CLTCL1: variants seen among roughly 807,000 people sequenced by gnomAD.
The protein encoded by CLTCL1 is clathrin heavy chain 2.
Under a neutral mutation model 190.0 loss-of-function variants are expected in CLTCL1, and 159 were observed. That is an observed-to-expected ratio of 0.84 (90% CI 0.74 to 0.95). CLTCL1 has a LOEUF of 0.95. Ranked by LOEUF, CLTCL1 falls within the 40% of genes least tolerant of loss-of-function variation. CLTCL1 has a pLI of 0.00. For missense variants in CLTCL1, 1,878 were observed against 2,033.4 expected (o/e 0.92, Z 1.47); for synonymous variants, 752 against 769.6 (o/e 0.98, Z 0.38).
intron 19 of CLTCL1, among the ~76,000 whole-genome samples, chr22:19,212,995 A>G (rs1258915279): frequency 1.3e-5 from 2 of 152,238 alleles, no homozygotes; most frequent in African/African-American, 2.4e-5. Flanking sequence ...TATCAAAATT[A>G]TAACTTTTGT....
chr22:19,263,648 T>C (rs2087026116), intron 2 of CLTCL1, among the ~76,000 whole-genome samples: 1 of 152,180 alleles, frequency 6.6e-6, no homozygotes, highest in Non-Finnish European at 1.5e-5. Context: ...CTTGATCTCC[T>C]GACCTTGTGA....
At chr22:19,195,115 T>C (rs1315573724) in intron 26 of CLTCL1, among the ~76,000 whole-genome samples, 1 of 152,052 alleles carries the variant, frequency 6.6e-6, no homozygotes, top group Non-Finnish European at 1.5e-5. Flanking sequence ...CACCCTAATA[T>C]CAGAGGAGTT....
chr22:19,234,638 G>T lies in CLTCL1; in HGVS notation c.1038C>A (p.Asp346Glu). The T allele has an allele frequency of 2.0e-5, 32 of 1,613,980 alleles. No homozygotes were observed. The highest frequency in any genetic ancestry group is 2.7e-5 in the Non-Finnish European group (32 of 1,179,884). Residue 346 changes from aspartate (D) to glutamate (E), a missense_variant, in exon 7 of 33, where the codon GAC becomes GAA. Transcript: ENST00000427926. Reference sequence around the variant, plus strand: ...TACGAACGGCCAAACGCAGACCAAGGTCTGGATTCTGAAGCACGTTGGTTG... The same window carrying T: ...TACGAACGGCCAAACGCAGACCAAGTTCTGGATTCTGAAGCACGTTGGTTG... ...NYATNVLQNPDLGLRLAVRSN... is the reference protein window; with the variant it reads ...NYATNVLQNPELGLRLAVRSN...
At chr22:19,289,701 C>T (rs1175846856) in intron 1 of CLTCL1, among the ~76,000 whole-genome samples, 2 of 152,062 alleles carry the variant, frequency 1.3e-5, no homozygotes, top group African/African-American at 2.4e-5. Context: ...TATGACTGAA[C>T]GAGGCTCCCT....
intron 19 of CLTCL1, among the ~76,000 whole-genome samples, chr22:19,212,638 GAGAA>G (rs1408550443): frequency 6.9e-6 from 1 of 145,552 alleles, no homozygotes; most frequent in Non-Finnish European, 1.5e-5. Context: ...AAGAAAGAAA[GAGAA>G]AGAAAAAAGA....
At position 19,225,463 on chromosome 22, in the gene CLTCL1, C is replaced by G; in HGVS notation, c.2118G>C (p.Lys706Asn). 6.3e-7 allele frequency: 1 copy of G among 1,582,174 alleles called. No individual in the cohort carries two copies. Reference protein sequence around the residue: ...QALVELFESFKSYKGLFYFLG... With the variant: ...QALVELFESFNSYKGLFYFLG... ...GGCTGCATGGTTTACCTTTGTAACT[C>G]TTGAAGGATTCAAAGAGCTCCACCA... The change falls in exon 13 of 33, where the codon AAG becomes AAC. Residue 706 changes from lysine to asparagine, a missense_variant. Coordinates refer to ENST00000427926, the MANE Select transcript of CLTCL1 (RefSeq NM_007098.4).
chr22:19,238,140 C>T (rs1310989587), intron 5 of CLTCL1, among the ~76,000 whole-genome samples: 2 of 152,000 alleles, frequency 1.3e-5, no homozygotes, highest in East Asian at 1.9e-4. Flanking sequence ...GGTGCAGTGG[C>T]ATGCAGTGGT....
chr22:19,180,290 C>T (rs1354651598), intron 31 of CLTCL1, 52 bp from the exon 32 acceptor site: 1 of 1,603,164 alleles, frequency 6.2e-7, no homozygotes, highest in African/African-American at 1.3e-5. Context: ...CAGCCGGACG[C>T]TGGAGACCCG....
chr22:19,221,683 T>C, intron 16 of CLTCL1, 72 bp from the exon 17 acceptor site: 1 of 1,313,802 alleles, frequency 7.6e-7, no homozygotes, highest in Non-Finnish European at 1.0e-6. Flanking sequence ...TCCAGGGCTC[T>C]GACAGATGTT....
chr22:19,219,436 C>T (rs1368759428), intron 18 of CLTCL1, among the ~76,000 whole-genome samples: 5 of 151,594 alleles, frequency 3.3e-5, no homozygotes, highest in African/African-American at 7.3e-5. Context: ...CCACCCGCCT[C>T]GGCCTCCCAA....
Position 19,181,746 on chromosome 22 carries a change from T to C in CLTCL1, c.4828-940A>G, listed in dbSNP as rs193038051. On this transcript the variant is annotated intron_variant, in intron 30 of 32. Coordinates refer to ENST00000427926, the MANE Select transcript of CLTCL1 (RefSeq NM_007098.4). ...GCACCAGCTCAAGCTGACAATCAGC[T>C]CACACCCCCATGCCACTGACTGGGA... 7.2e-3 allele frequency: 1,097 copies of C among 152,398 alleles called. 17 individuals are homozygous for C. Among genetic ancestry groups the C allele is most frequent in the South Asian group, 0.05 (243 of 4,830 alleles). The allele number at this position is 152,398 out of a possible 1,614,324, so 9.4% of individuals were successfully genotyped here. A position where few individuals can be genotyped will look rare whatever the true frequency, so the allele number is the denominator to read the frequency against.
Position 19,233,409 on chromosome 22 carries a change from C to A in CLTCL1, c.1368+13G>T, listed in dbSNP as rs2085977941. ...GCTGTGCGGGGGGGCTACGAGCTCA[C>A]AAGTGTTTCTACCTTATCTTCTTTC... is the stretch of plus-strand genomic sequence containing the variant. On this transcript the variant is annotated intron_variant, in intron 8 of 32. Coordinates refer to ENST00000427926, the MANE Select transcript of CLTCL1 (RefSeq NM_007098.4). 6.2e-7 allele frequency: 1 copy of A among 1,613,484 alleles called. No individual in the cohort carries two copies. Among genetic ancestry groups the A allele is most frequent in the East Asian group, 2.2e-5 (1 of 44,874 alleles).
At position 19,291,710 on chromosome 22, in the gene CLTCL1, G is replaced by C. The variant is rs2088137313; in HGVS notation, c.-69C>G. 1.6e-6 allele frequency: 2 copies of C among 1,288,988 alleles called. No individual in the cohort carries two copies. The highest frequency in any genetic ancestry group is 2.0e-6 in the Non-Finnish European group (2 of 1,010,292). The allele number at this position is 1,288,988 out of a possible 1,614,324, so 79.8% of individuals were successfully genotyped here. On this transcript the variant is annotated 5_prime_UTR_variant, in exon 1 of 33. Transcript: ENST00000427926. ...TGAACGCCGACCCCTCGCGCGGGCTGACCGGTGGCGACGGCGCAGGCGCAG... is the reference window on the plus strand; with the variant it reads ...TGAACGCCGACCCCTCGCGCGGGCTCACCGGTGGCGACGGCGCAGGCGCAG...
intron 22 of CLTCL1, 23 bp downstream of exon 22, chr22:19,208,131 A>G (rs1049516656): frequency 1.9e-6 from 3 of 1,613,656 alleles, no homozygotes; most frequent in African/African-American, 1.3e-5. Flanking sequence ...GGCAGTGCAC[A>G]GCCCCCAGGG....
Position 19,233,148 on chromosome 22 carries a change from TG to T in CLTCL1, c.1521+17del. ...ACGTGAGTAATCTGTGAGATGCCAG[TG>T]GTTCAACACACGTTACCTTTTTGGC... On this transcript the variant is annotated intron_variant, in intron 9 of 32. Coordinates refer to ENST00000427926, the MANE Select transcript of CLTCL1 (RefSeq NM_007098.4). 6.3e-7 allele frequency: 1 copy of T among 1,599,554 alleles called. No individual in the cohort carries two copies. Among genetic ancestry groups the T allele is most frequent in the African/African-American group, 1.3e-5 (1 of 74,832 alleles).
At chr22:19,222,948 T>C (rs2085623087) in intron 14 of CLTCL1, 139 bp from the exon 15 acceptor site, 2 of 1,001,846 alleles carry the variant, frequency 2.0e-6, no homozygotes, top group African/African-American at 1.6e-5. Context: ...CTGCTCTAAA[T>C]AGGCTGTCGT....
rs549447576 is a variant in CLTCL1, at chr22:19,192,654, C to T, written c.4192-1219G>A. 5.9e-5 allele frequency among the ~76,000 whole-genome samples: 9 copies of T among 152,292 alleles called. No homozygotes were observed. In the South Asian group the frequency reaches 1.9e-3, roughly 32 times the overall value. On this transcript the variant is annotated intron_variant, in intron 26 of 32. Transcript: ENST00000427926. Reference sequence around the variant, plus strand: ...TTCTGACTAAAAGGGGTCTAATGGTCCCACTATGGCTTACTGGCCACTTCA... The same window carrying T: ...TTCTGACTAAAAGGGGTCTAATGGTTCCACTATGGCTTACTGGCCACTTCA...
At chr22:19,216,639 T>G (rs2085394205) in intron 18 of CLTCL1, among the ~76,000 whole-genome samples, 3 of 152,216 alleles carry the variant, frequency 2.0e-5, no homozygotes, top group Admixed American at 1.3e-4. Flanking sequence ...AAGAGAGCAC[T>G]GCCACTGCTG....
intron 31 of CLTCL1, 126 bp downstream of exon 31, chr22:19,180,605 G>C: frequency 1.1e-6 from 1 of 880,144 alleles, no homozygotes; most frequent in Admixed American, 2.1e-5. Context: ...GTAGCCACTG[G>C]GATCCTTCCA....
Sources: allele counts gnomAD v4.1 joint callset (sites outside exome capture counted in the v4.1 genomes callset), GRCh38; gene constraint gnomAD v4.1.1; transcripts MANE v1.5; gene names NCBI Gene and HGNC (gene_info 2026-07-23, HGNC 2026-07-21).